Variants in RNF125 observed in about 807,000 individuals in gnomAD.
RNF125 encodes ring finger protein 125.
In RNF125, 21 loss-of-function variants were observed where a neutral mutation model predicts 26.0. The ratio of observed to expected loss-of-function variants is 0.81; its 90% CI spans 0.57 to 1.16. The LOEUF is 1.16. RNF125 is among the 50% of genes most tolerant of loss of function. The pLI is 0.00. For synonymous variants in RNF125, 95 were observed against 109.2 expected, an observed-to-expected ratio of 0.87 and a Z score of 0.81; for missense variants, 270 against 299.4, an observed-to-expected ratio of 0.90 and a Z score of 0.72.
rs761366163 is a variant in RNF125, at chr18:32,053,580, G to A, written c.504+7848G>A. 9.2e-5 allele frequency among the ~76,000 whole-genome samples: 14 copies of A among 152,116 alleles called. 1 individual carries two copies. The highest frequency in any genetic ancestry group is 8.5e-4 in the Admixed American group (13 of 15,268). On this transcript the variant is annotated intron_variant, in intron 4 of 5. Coordinates refer to ENST00000217740, the MANE Select transcript of RNF125 (RefSeq NM_017831.4). ...ATCACTTGTGGTCAGGAGGTCAGGAGTTCGAGACCAGCCTGGCCAACATGG... is the reference window on the plus strand; with the variant it reads ...ATCACTTGTGGTCAGGAGGTCAGGAATTCGAGACCAGCCTGGCCAACATGG...
intron 4 of RNF125, among the ~76,000 whole-genome samples, chr18:32,061,170 A>T (rs373823431): frequency 3.3e-5 from 5 of 151,922 alleles, no homozygotes; most frequent in African/African-American, 4.8e-5. Flanking sequence ...GACTACAGGC[A>T]CCCGCCACCA....
chr18:32,045,573 G>GAAA, intron 3 of RNF125, 69 bp from the exon 4 acceptor site: 2 of 916,848 alleles, frequency 2.2e-6, no homozygotes, highest in East Asian at 2.9e-5. Flanking sequence ...AAAAAAAAAA[G>GAAA]AAAAAAAAAG....
chr18:32,040,889 T>G (rs896328122), intron 2 of RNF125, among the ~76,000 whole-genome samples: 1 of 152,238 alleles, frequency 6.6e-6, no homozygotes, highest in African/African-American at 2.4e-5. Flanking sequence ...TACATCTGTT[T>G]AAGACAGCTT....
chr18:32,079,708 T>C, the RNF125 span, among the ~76,000 whole-genome samples: 1 of 152,236 alleles, frequency 6.6e-6, no homozygotes, highest in Non-Finnish European at 1.5e-5. Context: ...GATGCATTCC[T>C]TCTCTTTAGA....
At chr18:32,051,458 A>G (rs1157692540) in intron 4 of RNF125, among the ~76,000 whole-genome samples, 1 of 151,820 alleles carries the variant, frequency 6.6e-6, no homozygotes, top group Non-Finnish European at 1.5e-5. Flanking sequence ...CTCTACTAAA[A>G]ATGCAAAAAT....
chr18:32,047,043 A>ATGT (rs746272436), intron 4 of RNF125, among the ~76,000 whole-genome samples: 6 of 150,384 alleles, frequency 4.0e-5, no homozygotes, highest in African/African-American at 1.5e-4. Flanking sequence ...TAATTTTTTG[A>ATGT]TGTTGTTGTT....
chr18:32,050,298 A>C (rs756599806), intron 4 of RNF125, among the ~76,000 whole-genome samples: 7 of 152,090 alleles, frequency 4.6e-5, no homozygotes, highest in African/African-American at 9.7e-5. Context: ...TTTGTCAAGC[A>C]GTAATTATAT....
intron 1 of RNF125, among the ~76,000 whole-genome samples, chr18:32,030,107 C>T (rs561349323): frequency 3.3e-5 from 5 of 152,274 alleles, no homozygotes; most frequent in South Asian, 2.1e-4. Flanking sequence ...TGCAGTGATG[C>T]GATCTTGGCT....
At chr18:32,086,000 CAGAT>C in the RNF125 span, among the ~76,000 whole-genome samples, 2 of 152,144 alleles carry the variant, frequency 1.3e-5, no homozygotes, top group Non-Finnish European at 2.9e-5. Context: ...TCTTGATTAA[CAGAT>C]AGGAGGGAGG....
Position 32,050,865 on chromosome 18 carries a change from CTTTTTTTTTTTTTTTTTTT to C in RNF125, c.504+5149_504+5167del, listed in dbSNP as rs531751585. ...CCAGCTAGTCTCTCGGTCTAGAGTG[CTTTTTTTTTTTTTTTTTTT>C]TTTTTTTTTTTTTTTGAAGAGACGG... is the stretch of plus-strand genomic sequence containing the variant. On this transcript the variant is annotated intron_variant, in intron 4 of 5. Coordinates refer to ENST00000217740, the MANE Select transcript of RNF125 (RefSeq NM_017831.4). Among the ~76,000 whole-genome samples, 112 of 46,344 alleles carry C rather than the reference CTTTTTTTTTTTTTTTTTTT, an allele frequency of 2.4e-3. 3 individuals are homozygous for C. The Middle Eastern group carries it at 0.077, about 32-fold the overall frequency. 30.4% of individuals were successfully genotyped at this position (46,344 alleles called of 152,430 possible).
At chr18:32,081,736 T>TTA in the RNF125 span, among the ~76,000 whole-genome samples, 85 of 152,330 alleles carry the variant, frequency 5.6e-4, no homozygotes, top group Admixed American at 1.2e-3. Context: ...AAATTTTTAA[T>TTA]ATTAAACTTT....
intron 4 of RNF125, among the ~76,000 whole-genome samples, chr18:32,046,959 C>T (rs563665435): frequency 1.5e-4 from 23 of 152,296 alleles, no homozygotes; most frequent in African/African-American, 5.1e-4. Flanking sequence ...ACCTTGACCT[C>T]CCAGGTTCAA....
chr18:32,037,589 G>C (rs2039171551), intron 2 of RNF125, among the ~76,000 whole-genome samples: 1 of 151,890 alleles, frequency 6.6e-6, no homozygotes, highest in South Asian at 2.1e-4. Context: ...AGCCAGGATG[G>C]TCTCAATCTC....
At chr18:32,027,645 C>T (rs368267871) in intron 1 of RNF125, among the ~76,000 whole-genome samples, 4 of 152,168 alleles carry the variant, frequency 2.6e-5, no homozygotes, top group African/African-American at 7.2e-5. Flanking sequence ...GCTTTTCATC[C>T]GTTGTTCCAA....
intron 2 of RNF125, among the ~76,000 whole-genome samples, chr18:32,039,889 C>T (rs544072867): frequency 3.3e-5 from 5 of 149,744 alleles, no homozygotes; most frequent in Admixed American, 6.8e-5. Flanking sequence ...AAGAGATTCT[C>T]GTGCCTCAGC....
chr18:32,022,386 T>G (rs2038994160), intron 1 of RNF125, among the ~76,000 whole-genome samples: 1 of 152,324 alleles, frequency 6.6e-6, no homozygotes, highest in East Asian at 1.9e-4. Context: ...TTAGGGAAAT[T>G]TGAATTTGAT....
In RNF125 at chr18:32,069,448, C is replaced by T. The variant is rs986168228; in HGVS notation, c.*1064C>T. ...CATCCAGACTTTTTAGTAGAAAACC[C>T]TAAGGGCTTTGATATCTTTTTTGAT... On this transcript the variant is annotated 3_prime_UTR_variant, in exon 6 of 6. Coordinates refer to ENST00000217740, the MANE Select transcript of RNF125 (RefSeq NM_017831.4). 1 of 151,946 alleles carries T rather than the reference C, an allele frequency of 6.6e-6. No homozygotes were observed. The highest frequency in any genetic ancestry group is 1.5e-5 in the Non-Finnish European group (1 of 68,006). 9.4% of individuals were successfully genotyped at this position (151,946 alleles called of 1,614,324 possible).
the RNF125 span, among the ~76,000 whole-genome samples, chr18:32,084,062 T>C: frequency 1.3e-4 from 20 of 150,950 alleles, no homozygotes; most frequent in African/African-American, 4.6e-4. Context: ...TCTCAAAGAT[T>C]AAAAAACAAC....
chr18:32,065,365 G>A (rs2039474411), intron 4 of RNF125, among the ~76,000 whole-genome samples: 1 of 152,150 alleles, frequency 6.6e-6, no homozygotes, highest in Non-Finnish European at 1.5e-5. Flanking sequence ...AGCCTCCTGA[G>A]TGGCTGGCAT....
Sources: gnomAD v4.1 joint callset for allele counts (sites outside exome capture counted in the v4.1 genomes callset) on GRCh38, gnomAD v4.1.1 for gene constraint, MANE v1.5 for transcripts, NCBI Gene and HGNC (gene_info 2026-07-23, HGNC 2026-07-21) for gene names.